Variants in ZNF236 observed in about 807,000 individuals in gnomAD.
ZNF236 encodes the protein zinc finger protein 236.
ZNF236 carries 50 observed loss-of-function variants against 191.2 expected under a neutral mutation model. The ratio of observed to expected loss-of-function variants is 0.26; its 90% CI spans 0.21 to 0.33. The LOEUF (loss-of-function observed/expected upper bound fraction) is 0.33, where lower values mean the gene tolerates loss of function less well. Ranked by LOEUF, ZNF236 falls within the 10% of genes least tolerant of loss-of-function variation. The pLI, the probability that ZNF236 is intolerant of heterozygous loss-of-function variation, is 1.00. For synonymous variants in ZNF236, 907 were observed against 928.8 expected (o/e 0.98, Z 0.43); for missense variants, 1,754 against 2,374.5 (o/e 0.74, Z 5.43).
Position 76,927,338 on chromosome 18 carries a change from C to CG in ZNF236, c.4240dup (p.Glu1414GlyfsTer48). On this transcript the variant is annotated frameshift_variant, in exon 24 of 31. Transcript: ENST00000320610. LOFTEE classifies it high-confidence loss of function. This position sits in a 1 kb window ranked among gnomAD's most constrained non-coding sequence, Gnocchi z 5.4. ...GGCAACCTATTGGCTCAGCAGCTCA[C>CG]GGGGGAGCCTGGCCTGGCCCCACAG... The CG allele has an allele frequency of 6.2e-7, 1 of 1,614,092 alleles. No individual in the cohort carries two copies. Among genetic ancestry groups the CG allele is most frequent in the Non-Finnish European group, 8.5e-7 (1 of 1,180,024 alleles).
Position 76,937,153 on chromosome 18 carries a change from T to C in ZNF236, c.4595-3T>C. On this transcript the variant is annotated splice_polypyrimidine_tract_variant and splice_region_variant and intron_variant, in intron 25 of 30. Transcript: ENST00000320610. ...TGATCTACTTACTTTGCCTCTTTTGTAGAACTTAACACTACAAGCGGAAGC... is the reference window on the plus strand; with the variant it reads ...TGATCTACTTACTTTGCCTCTTTTGCAGAACTTAACACTACAAGCGGAAGC... The C allele has an allele frequency of 2.5e-6, 4 of 1,612,268 alleles. No homozygotes were observed. Among genetic ancestry groups the C allele is most frequent in the Non-Finnish European group, 3.4e-6 (4 of 1,178,488 alleles).
intron 18 of ZNF236, among the ~76,000 whole-genome samples, chr18:76,914,322 C>T (rs550121809): frequency 1.3e-5 from 2 of 152,306 alleles, no homozygotes; most frequent in South Asian, 2.1e-4. Flanking sequence ...ATCCATTCAT[C>T]GGGTGATGGA....
At chr18:76,892,159 TTCTTCTGGG>T (rs1977258517) in intron 9 of ZNF236, among the ~76,000 whole-genome samples, 1 of 135,176 alleles carries the variant, frequency 7.4e-6, no homozygotes, top group East Asian at 2.2e-4. Context: ...TTTTGAAATT[TTCTTCTGGG>T]TTTTTTTTTT....
Position 76,875,559 on chromosome 18 carries a change from C to T in ZNF236, c.735C>T (p.His245=), listed in dbSNP as rs757212293. 1.2e-6 allele frequency: 2 copies of T among 1,601,736 alleles called. No homozygotes were observed. The highest frequency in any genetic ancestry group is 1.7e-5 in the Admixed American group (1 of 58,286). ...ACCAGAAGGGGGCACTGCAGACCCA[C>T]ATGATCAAGCACACAGGTGAAAAAC... is the stretch of plus-strand genomic sequence containing the variant. ...AFNQKGALQT[H]MIKHTGEKPH... The change falls in exon 6 of 31, where the codon CAC becomes CAT. Residue 245 remains histidine, a synonymous_variant. Coordinates refer to ENST00000320610, the MANE Select transcript of ZNF236 (RefSeq NM_001306089.2). The surrounding 1 kb of genome is among the most constrained non-coding windows in gnomAD (Gnocchi z 4.3).
Position 76,880,423 on chromosome 18 carries a change from C to T in ZNF236, c.1188+107C>T. On this transcript the variant is annotated intron_variant, in intron 8 of 30. Coordinates refer to ENST00000320610, the MANE Select transcript of ZNF236 (RefSeq NM_001306089.2). The surrounding 1 kb of genome is among the most constrained non-coding windows in gnomAD (Gnocchi z 5.0). ...GCAGGGCTTGTCAAAGTCAGGGTAT[C>T]CTCATGAAAAATGTGCCTGAACCGA... 1 of 1,223,690 alleles carries T rather than the reference C, an allele frequency of 8.2e-7. No homozygotes were observed. Among genetic ancestry groups the T allele is most frequent in the South Asian group, 1.7e-5 (1 of 57,586 alleles). 75.8% of individuals were successfully genotyped at this position (1,223,690 alleles called of 1,614,324 possible). A position where few individuals can be genotyped will look rare whatever the true frequency, so the allele number is the denominator to read the frequency against.
intron 1 of ZNF236, among the ~76,000 whole-genome samples, chr18:76,848,924 G>GCTGA (rs1466579326): frequency 6.6e-6 from 1 of 152,156 alleles, no homozygotes; most frequent in Non-Finnish European, 1.5e-5. Flanking sequence ...TTCCCCAAGT[G>GCTGA]CTGAAATAAA....
chr18:76,894,924 G>A (rs936017948), intron 9 of ZNF236, 89 bp from the exon 10 acceptor site: 59 of 1,530,368 alleles, frequency 3.9e-5, no homozygotes, highest in Non-Finnish European at 4.9e-5. Context: ...GATCATGCGT[G>A]CAGCTTTCTG....
rs559812463 is a variant in ZNF236 at position 76,910,272 on chromosome 18, G to C, written c.2653+103G>C. 7.0e-6 allele frequency: 7 copies of C among 996,162 alleles called. No homozygotes were observed. In the African/African-American group the frequency reaches 1.1e-4, roughly 16 times the overall value. 61.7% of individuals were successfully genotyped at this position (996,162 alleles called of 1,614,324 possible). A position where few individuals can be genotyped will look rare whatever the true frequency, so the allele number is the denominator to read the frequency against. On this transcript the variant is annotated intron_variant, in intron 15 of 30. Transcript: ENST00000320610. ...TTTTCTCTTAAGGCCCTTCTAAAGT[G>C]TATGGTTTCAAACCAAATAACTTTT...
At chr18:76,941,378 G>A (rs1168743986) in intron 26 of ZNF236, among the ~76,000 whole-genome samples, 3 of 152,166 alleles carry the variant, frequency 2.0e-5, no homozygotes, top group East Asian at 3.9e-4. Context: ...GGTCCTCAGC[G>A]CCTCAGGACA....
In ZNF236 at chr18:76,875,437, G is replaced by A. The variant is rs1976686656; in HGVS notation, c.668-55G>A. 12 of 1,408,496 alleles carry A rather than the reference G, an allele frequency of 8.5e-6. No homozygotes were observed. Among genetic ancestry groups the A allele is most frequent in the African/African-American group, 1.5e-5 (1 of 68,716 alleles). The allele number at this position is 1,408,496 out of a possible 1,614,324, so 87.2% of individuals were successfully genotyped here. On this transcript the variant is annotated intron_variant, in intron 5 of 30. Transcript: ENST00000320610. The surrounding 1 kb of genome is among the most constrained non-coding windows in gnomAD (Gnocchi z 4.3). ...ACTTCAGTGTTGTTCTTTTCAATCC[G>A]TAAGATGCCCATACAATATGGAATT... is the stretch of plus-strand genomic sequence containing the variant.
At chr18:76,967,490 G>A (rs1349519259) in intron 30 of ZNF236, among the ~76,000 whole-genome samples, 6 of 149,508 alleles carry the variant, frequency 4.0e-5, no homozygotes, top group Non-Finnish European at 6.0e-5. Context: ...GGGTGGTGAT[G>A]TGATCTGTGA....
At chr18:76,872,668 C>T (rs1036804447) in intron 5 of ZNF236, among the ~76,000 whole-genome samples, 5 of 152,092 alleles carry the variant, frequency 3.3e-5, no homozygotes, top group African/African-American at 1.2e-4. Context: ...TCTTTGCCAT[C>T]TTGTAAAGAG....
At chr18:76,918,179 A>G (rs12954204) in intron 19 of ZNF236, among the ~76,000 whole-genome samples, 80,269 of 151,866 alleles carry the variant, frequency 0.53, 22,470 homozygotes, top group Non-Finnish European at 0.63. Flanking sequence ...CTTCTCTAGT[A>G]TTCTTTTTTA....
At position 76,914,856 on chromosome 18, in the gene ZNF236, T is replaced by C. The variant is rs141283649; in HGVS notation, c.3062-791T>C. On this transcript the variant is annotated intron_variant, in intron 18 of 30. Coordinates refer to ENST00000320610, the MANE Select transcript of ZNF236 (RefSeq NM_001306089.2). ...ATATACTCAGTATATTCATTATAAG[T>C]TTAATATCAATGTATATTTTGTATA... Among the ~76,000 whole-genome samples the C allele has an allele frequency of 6.9e-3, 1,046 of 152,014 alleles. 10 individuals are homozygous for C. The highest frequency in any genetic ancestry group is 0.023 in the African/African-American group (963 of 41,540).
chr18:76,850,765 G>A (rs1034716407), intron 2 of ZNF236, among the ~76,000 whole-genome samples: 4 of 151,886 alleles, frequency 2.6e-5, no homozygotes, highest in Non-Finnish European at 5.9e-5. Flanking sequence ...ACCATGCCTG[G>A]CTCATTTTTA....
intron 1 of ZNF236, among the ~76,000 whole-genome samples, chr18:76,839,561 T>G (rs1375700443): frequency 6.6e-6 from 1 of 152,204 alleles, no homozygotes; most frequent in Non-Finnish European, 1.5e-5. Context: ...GAGAGTTTAT[T>G]TGGCTTGCTG....
rs1967121738 is a variant in ZNF236 at position 76,908,524 on chromosome 18, A to G, written c.2502A>G (p.Glu834=). The part of the protein sequence containing the change: ...LEPQHVVGTE[E]AGLGQQLADQ... The stretch of plus-strand genomic sequence containing the variant: ...CTCAGCATGTGGTGGGCACGGAGGA[A>G]GCAGGGCTGGGCCAGCAGTTGGCAG... Residue 834 remains glutamate (E), a synonymous_variant, in exon 14 of 31, where the codon GAA becomes GAG. Transcript: ENST00000320610. 6.2e-7 allele frequency: 1 copy of G among 1,613,526 alleles called. No homozygotes were observed. The highest frequency in any genetic ancestry group is 8.5e-7 in the Non-Finnish European group (1 of 1,179,912).
chr18:76,837,244 T>G (rs2122431300), intron 1 of ZNF236, among the ~76,000 whole-genome samples: 1 of 151,722 alleles, frequency 6.6e-6, no homozygotes, highest in Non-Finnish European at 1.5e-5. Flanking sequence ...GTTTGTTTCC[T>G]CCTGGTTATT....
In ZNF236 at chr18:76,868,840, C is replaced by G. The variant is rs1354316891; in HGVS notation, c.519C>G (p.His173Gln). ...AGACCTCCTCGGAGCTGAAGGAACA[C>G]ATGAAGACTCATTACAAAATTAGGT... The part of the protein sequence containing the change: ...EFETSSELKE[H>Q]MKTHYKIRVS... The change falls in exon 4 of 31, where the codon CAC becomes CAG. Residue 173 changes from histidine to glutamine, a missense_variant. By Grantham distance (24) the His-to-Gln change is conservative. This residue lies in a region of ZNF236 where 336 missense variants were observed against 495.1 expected (regional missense o/e 0.68). Transcript: ENST00000320610. 1 of 1,608,150 alleles carries G rather than the reference C, an allele frequency of 6.2e-7. No individual in the cohort carries two copies. The highest frequency in any genetic ancestry group is 8.5e-7 in the Non-Finnish European group (1 of 1,177,874).
Sources: allele counts gnomAD v4.1 joint callset (sites outside exome capture counted in the v4.1 genomes callset), GRCh38; gene constraint gnomAD v4.1.1; regional missense constraint gnomAD v4.1.1; non-coding constraint Gnocchi (gnomAD v3.1); transcripts MANE v1.5; gene names NCBI Gene and HGNC (gene_info 2026-07-23, HGNC 2026-07-21).